PCNX4: variants seen among roughly 807,000 people sequenced by gnomAD.
PCNX4 encodes pecanex 4.
A neutral mutation model predicts 107.2 loss-of-function variants in PCNX4; 103 were observed. That is an observed-to-expected ratio of 0.96 (90% confidence interval 0.82 to 1.13). The LOEUF is 1.13. Among genes scored for constraint, PCNX4 ranks in the 50% most tolerant of loss-of-function variants. The probability of loss-of-function intolerance (pLI) is 0.00; values close to 1 mark genes in which losing one functional copy is unlikely to be tolerated. For missense variants in PCNX4, 1,528 were observed against 1,379.4 expected (o/e 1.11, Z -1.71); for synonymous variants, 541 against 481.7 (o/e 1.12, Z -1.61).
chr14:60,126,530 A>T (rs764536475), intron 10 of PCNX4, among the ~76,000 whole-genome samples: 1 of 152,206 alleles, frequency 6.6e-6, no homozygotes, highest in Non-Finnish European at 1.5e-5. Flanking sequence ...GCTAAAACCC[A>T]GTGAGAATAG....
chr14:60,126,855 AT>A (rs1896064893), intron 10 of PCNX4, among the ~76,000 whole-genome samples: 1 of 152,182 alleles, frequency 6.6e-6, no homozygotes, highest in South Asian at 2.1e-4. Flanking sequence ...TTGCCCACTC[AT>A]AATGTGGAGG....
In PCNX4 at chr14:60,144,792, C is replaced by T; in HGVS notation, c.*10571C>T. 1.6e-6 allele frequency: 1 copy of T among 616,506 alleles called. No homozygotes were observed. Among genetic ancestry groups the T allele is most frequent in the African/African-American group, 1.9e-5 (1 of 52,650 alleles). The allele number at this position is 616,506 out of a possible 1,614,324, so 38.2% of individuals were successfully genotyped here. On this transcript the variant is annotated 3_prime_UTR_variant, in exon 11 of 11. Transcript: ENST00000406854. The stretch of plus-strand genomic sequence containing the variant: ...GAGTTAATACCTTTTTTGCAAGATT[C>T]ATGGCAATCTTTTATTATTTATTTT...
chr14:60,105,701 A>G (rs1033566187), intron 1 of PCNX4, among the ~76,000 whole-genome samples: 1 of 152,210 alleles, frequency 6.6e-6, no homozygotes, highest in Non-Finnish European at 1.5e-5. Context: ...AAAACTTTAC[A>G]AAAGACCCAG....
At chr14:60,133,943 C>T (rs1896200354) in intron 10 of PCNX4, 27 bp from the exon 11 acceptor site, 2 of 1,579,276 alleles carry the variant, frequency 1.3e-6, no homozygotes, top group Middle Eastern at 1.7e-4. Context: ...TTCTTTTTCT[C>T]CTCCTCCTAC....
intron 10 of PCNX4, among the ~76,000 whole-genome samples, chr14:60,129,983 G>A (rs1027789345): frequency 1.3e-5 from 2 of 152,134 alleles, no homozygotes; most frequent in African/African-American, 4.8e-5. Context: ...AAAATGACAG[G>A]CAAAATTCAG....
Position 60,118,527 on chromosome 14 carries a change from C to A in PCNX4, c.1777C>A (p.Leu593Ile). Residue 593 changes from leucine (L) to isoleucine (I), a missense_variant, in exon 7 of 11, where the codon CTT becomes ATT. By Grantham distance (5) the Leu-to-Ile change is conservative (BLOSUM62 2). Transcript: ENST00000406854. ...ACTACTCTCTTCTCCCTTACTCCCT[C>A]TTTTCACCCTTCCTGTGTTCTTGGT... is the stretch of plus-strand genomic sequence containing the variant. ...STLLSSPLLP[L>I]FTLPVFLVGF... is the part of the protein sequence containing the mutation. 6.2e-7 allele frequency: 1 copy of A among 1,613,862 alleles called. No homozygotes were observed. Among genetic ancestry groups the A allele is most frequent in the South Asian group, 1.1e-5 (1 of 91,076 alleles).
chr14:60,098,007 G>GA (rs1566928791), intron 1 of PCNX4, among the ~76,000 whole-genome samples: 1 of 152,030 alleles, frequency 6.6e-6, no homozygotes. Context: ...CTTCGACTTC[G>GA]ACGAGGACCA....
intron 10 of PCNX4, 107 bp from the exon 11 acceptor site, chr14:60,133,863 T>G: frequency 8.8e-7 from 1 of 1,133,114 alleles, no homozygotes; most frequent in South Asian, 1.6e-5. Flanking sequence ...TTGGGAAAAG[T>G]TTGCCTAATT....
In PCNX4 at chr14:60,147,570, C is replaced by G. The variant is rs1178963164; in HGVS notation, c.*13349C>G. ...GCTGAATATCCTGCTATATCTAACTCAAGCTGAGAAGGGGGAAAAAGCACA... is the reference window on the plus strand; with the variant it reads ...GCTGAATATCCTGCTATATCTAACTGAAGCTGAGAAGGGGGAAAAAGCACA... On this transcript the variant is annotated 3_prime_UTR_variant, in exon 11 of 11. Transcript: ENST00000406854. 6.6e-6 allele frequency: 1 copy of G among 152,146 alleles called. No individual in the cohort carries two copies. The highest frequency in any genetic ancestry group is 1.5e-5 in the Non-Finnish European group (1 of 68,024). 9.4% of individuals were successfully genotyped at this position (152,146 alleles called of 1,614,324 possible).
intron 8 of PCNX4, 75 bp from the exon 9 acceptor site, chr14:60,124,143 G>A: frequency 1.7e-6 from 2 of 1,162,446 alleles, no homozygotes; most frequent in Non-Finnish European, 2.3e-6. Context: ...GAATCTATGG[G>A]CATTTACATG....
rs779987987 is a variant in PCNX4, at chr14:60,141,450, A to G, written c.*7229A>G. 2.0e-5 allele frequency: 3 copies of G among 152,372 alleles called. No homozygotes were observed. In the East Asian group the frequency reaches 5.8e-4, roughly 29 times the overall value. 9.4% of individuals were successfully genotyped at this position (152,372 alleles called of 1,614,324 possible). A position where few individuals can be genotyped will look rare whatever the true frequency, so the allele number is the denominator to read the frequency against. Reference sequence around the variant, plus strand: ...CAAGAATGAAATGAAGAGTATCACTATAAATCAGGCAGTCATTAAAAAGAT... The same window carrying G: ...CAAGAATGAAATGAAGAGTATCACTGTAAATCAGGCAGTCATTAAAAAGAT... On this transcript the variant is annotated 3_prime_UTR_variant, in exon 11 of 11. Coordinates refer to ENST00000406854, the MANE Select transcript of PCNX4 (RefSeq NM_001330177.2).
intron 1 of PCNX4, among the ~76,000 whole-genome samples, chr14:60,104,318 CAAAAAAAAAAAA>C (rs200434027): frequency 1.7e-4 from 22 of 129,568 alleles, no homozygotes; most frequent in Middle Eastern, 3.9e-3. Flanking sequence ...GACTCCATCT[CAAAAAAAAAAAA>C]AAAAAAAAAA....
At chr14:60,094,197 C>G (rs549350443) in intron 1 of PCNX4, among the ~76,000 whole-genome samples, 7 of 152,266 alleles carry the variant, frequency 4.6e-5, no homozygotes, top group African/African-American at 1.7e-4. Context: ...AACAGTTTCT[C>G]ACTTGTCTTG....
At position 60,114,729 on chromosome 14, in the gene PCNX4, A is replaced by G. The variant is rs1895807520; in HGVS notation, c.719A>G (p.His240Arg). The change falls in exon 3 of 11, where the codon CAC becomes CGC. Residue 240 changes from histidine (H) to arginine (R), a missense_variant. By Grantham distance (29) the His-to-Arg change is conservative (BLOSUM62 0). Coordinates refer to ENST00000406854, the MANE Select transcript of PCNX4 (RefSeq NM_001330177.2). Reference sequence around the variant, plus strand: ...GTGGTAAATATGCCAGCTCTAGAACACATGAATCAGATTTTACACATCTTG... The same window carrying G: ...GTGGTAAATATGCCAGCTCTAGAACGCATGAATCAGATTTTACACATCTTG... ...RFVVNMPALE[H>R]MNQILHILFV... 3 of 1,613,572 alleles carry G rather than the reference A, an allele frequency of 1.9e-6. No homozygotes were observed. Among genetic ancestry groups the G allele is most frequent in the Non-Finnish European group, 2.5e-6 (3 of 1,179,676 alleles).
In PCNX4 at chr14:60,145,883, AT is replaced by A. The variant is rs1481082223; in HGVS notation, c.*11663del. On this transcript the variant is annotated 3_prime_UTR_variant, in exon 11 of 11. Coordinates refer to ENST00000406854, the MANE Select transcript of PCNX4 (RefSeq NM_001330177.2). This position sits in a 1 kb window ranked among gnomAD's most constrained non-coding sequence, Gnocchi z 4.0. ...TAGCCACTGTTCTTGATCCCTAAAA[AT>A]AATAAAGATTCATAAAAACAAAGTT... The A allele has an allele frequency of 2.0e-5, 3 of 151,956 alleles. No individual in the cohort carries two copies. Among genetic ancestry groups the A allele is most frequent in the Admixed American group, 1.3e-4 (2 of 15,252 alleles). 9.4% of individuals were successfully genotyped at this position (151,956 alleles called of 1,614,324 possible). A position where few individuals can be genotyped will look rare whatever the true frequency, so the allele number is the denominator to read the frequency against.
chr14:60,113,403 T>A (rs903177623), intron 2 of PCNX4, among the ~76,000 whole-genome samples: 8 of 152,162 alleles, frequency 5.3e-5, no homozygotes, highest in Middle Eastern at 3.2e-3. Context: ...AGTTTCGCTC[T>A]TGTTGCCCAG....
chr14:60,097,110 T>C lies in PCNX4; in HGVS notation c.-54+4691T>C, dbSNP rs182813551. The stretch of plus-strand genomic sequence containing the variant: ...AATAAGTTGTGCTTCCTTAAAGTCC[T>C]ATGAACTGAAAACTAGATGTTTTAT... On this transcript the variant is annotated intron_variant, in intron 1 of 10. Coordinates refer to ENST00000406854, the MANE Select transcript of PCNX4 (RefSeq NM_001330177.2). Among the ~76,000 whole-genome samples the C allele has an allele frequency of 3.3e-5, 5 of 152,350 alleles. No homozygotes were observed. In the East Asian group the frequency reaches 9.6e-4, roughly 29 times the overall value.
rs1215648124 is a variant in PCNX4, at chr14:60,140,642, C to G, written c.*6421C>G. ...CACCCCTACACACACAGAATAATCA[C>G]AATCAAGTTGGGTTTCTTCCTGAAA... On this transcript the variant is annotated 3_prime_UTR_variant, in exon 11 of 11. Transcript: ENST00000406854. This position sits in a 1 kb window ranked among gnomAD's most constrained non-coding sequence, Gnocchi z 4.2. The G allele has an allele frequency of 6.6e-6, 1 of 151,876 alleles. No individual in the cohort carries two copies. Among genetic ancestry groups the G allele is most frequent in the Non-Finnish European group, 1.5e-5 (1 of 67,912 alleles). 9.4% of individuals were successfully genotyped at this position (151,876 alleles called of 1,614,324 possible).
intron 2 of PCNX4, chr14:60,108,719 CAA>C (rs1895678842): frequency 1.2e-5 from 1 of 83,462 alleles, no homozygotes; most frequent in Non-Finnish European, 3.6e-5. Context: ...GAATTTAAGA[CAA>C]ATACAAAATT....
Sources: allele counts gnomAD v4.1 joint callset (sites outside exome capture counted in the v4.1 genomes callset), GRCh38; gene constraint gnomAD v4.1.1; non-coding constraint Gnocchi (gnomAD v3.1); transcripts MANE v1.5; gene names NCBI Gene and HGNC (gene_info 2026-07-23, HGNC 2026-07-21).